CCDC3: variants seen among roughly 807,000 people sequenced by gnomAD.
CCDC3 encodes the protein coiled-coil domain containing 3, also known as coiled-coil domain-containing protein 3.
In CCDC3, 24 loss-of-function variants were observed where a neutral mutation model predicts 21.4. The ratio of observed to expected loss-of-function variants is 1.12; its 90% CI spans 0.81 to 1.58. CCDC3 has a LOEUF of 1.58. CCDC3 is among the 40% of genes most tolerant of loss of function. The pLI is 0.00. For synonymous variants in CCDC3, 186 were observed against 166.0 expected, an observed-to-expected ratio of 1.12 and a Z score of -0.93; for missense variants, 425 against 360.9, an observed-to-expected ratio of 1.18 and a Z score of -1.44.
chr10:12,950,607 C>T (rs1470610234), intron 2 of CCDC3, among the ~76,000 whole-genome samples: 1 of 152,170 alleles, frequency 6.6e-6, no homozygotes, highest in Non-Finnish European at 1.5e-5. Context: ...AAACCTTGCA[C>T]TTGGTTATCA....
chr10:13,004,007 C>A (rs1480564026), upstream of CCDC3, among the ~76,000 whole-genome samples: 6 of 152,186 alleles, frequency 3.9e-5, no homozygotes, highest in Non-Finnish European at 8.8e-5. Context: ...CCGTAGTGAG[C>A]AGTTCCTCTT....
chr10:13,007,675 T>G (rs1835941119), intron 5 of CCDC3, among the ~76,000 whole-genome samples: 1 of 152,180 alleles, frequency 6.6e-6, no homozygotes, highest in Non-Finnish European at 1.5e-5. Context: ...TACCCTCTCT[T>G]AAAGATAGAC....
At chr10:12,905,115 A>G (rs1834150732) in intron 2 of CCDC3, among the ~76,000 whole-genome samples, 1 of 152,196 alleles carries the variant, frequency 6.6e-6, no homozygotes, top group South Asian at 2.1e-4. Flanking sequence ...AACAACACAG[A>G]CAAATAGCTT....
intron 2 of CCDC3, among the ~76,000 whole-genome samples, chr10:12,930,877 C>G (rs1357468032): frequency 6.6e-6 from 1 of 152,092 alleles, no homozygotes; most frequent in African/African-American, 2.4e-5. Flanking sequence ...GATGTCTGTC[C>G]CAGGCTCTGG....
At chr10:13,048,219 G>A (rs1836553735) in intron 5 of CCDC3, among the ~76,000 whole-genome samples, 1 of 151,964 alleles carries the variant, frequency 6.6e-6, no homozygotes, top group South Asian at 2.1e-4. Flanking sequence ...TTTAGACGGA[G>A]TCTCGCTCTG....
chr10:13,059,737 C>A (rs914030066), intron 4 of CCDC3, among the ~76,000 whole-genome samples: 2 of 152,184 alleles, frequency 1.3e-5, no homozygotes, highest in South Asian at 4.1e-4. Context: ...CCGATGGCCT[C>A]ATTTCTCTTG....
At chr10:12,970,632 A>C (rs1835327911) in intron 2 of CCDC3, among the ~76,000 whole-genome samples, 1 of 152,204 alleles carries the variant, frequency 6.6e-6, no homozygotes, top group African/African-American at 2.4e-5. Flanking sequence ...TAATCCCAGC[A>C]CTTTGGGAGG....
rs373663091 is a variant in CCDC3, at chr10:12,960,496, G to A, written c.549+37842C>T. On this transcript the variant is annotated intron_variant, in intron 2 of 2. Coordinates refer to ENST00000378825, the MANE Select transcript of CCDC3 (RefSeq NM_031455.4). ...CCACAGAAAGCAGCTGCCAGGCAGG[G>A]AGATTTATAAGGTGACATTCCAGCC... Among the ~76,000 whole-genome samples the A allele has an allele frequency of 6.6e-4, 100 of 152,298 alleles. 1 individual carries two copies. Among genetic ancestry groups the A allele is most frequent in the African/African-American group, 2.3e-3 (97 of 41,572 alleles).
At chr10:13,087,442 C>T (rs1188808478) in intron 3 of CCDC3, among the ~76,000 whole-genome samples, 2 of 151,200 alleles carry the variant, frequency 1.3e-5, no homozygotes, top group Admixed American at 6.6e-5. Context: ...ACAGTGCTGA[C>T]GATATCTGGC....
At chr10:12,970,205 C>T (rs755632672) in intron 2 of CCDC3, among the ~76,000 whole-genome samples, 9 of 152,026 alleles carry the variant, frequency 5.9e-5, no homozygotes, top group South Asian at 2.1e-4. Flanking sequence ...TGGTCACAGA[C>T]GCAAAATTTC....
intron 5 of CCDC3, among the ~76,000 whole-genome samples, chr10:13,041,786 C>T (rs1163416991): frequency 2.6e-5 from 4 of 151,922 alleles, no homozygotes; most frequent in Non-Finnish European, 5.9e-5. Flanking sequence ...CCATGCCCAG[C>T]CCTGGCAGCG....
chr10:13,093,446 G>A (rs1463280031), intron 3 of CCDC3, among the ~76,000 whole-genome samples: 1 of 152,102 alleles, frequency 6.6e-6, no homozygotes, highest in Non-Finnish European at 1.5e-5. Context: ...ATGAGATTTG[G>A]GTGGGGACAC....
chr10:13,026,338 C>T (rs1836216272), intron 5 of CCDC3, among the ~76,000 whole-genome samples: 1 of 152,258 alleles, frequency 6.6e-6, no homozygotes, highest in African/African-American at 2.4e-5. Context: ...CCTTAATAAC[C>T]TACAGCTTTT....
intron 5 of CCDC3, among the ~76,000 whole-genome samples, chr10:13,014,516 T>G (rs372568531): frequency 6.7e-6 from 1 of 149,324 alleles, no homozygotes; most frequent in Non-Finnish European, 1.5e-5. Context: ...AAAAGACTAA[T>G]GCAACACACA....
At chr10:13,011,812 A>G (rs539323933) in intron 5 of CCDC3, among the ~76,000 whole-genome samples, 1 of 152,378 alleles carries the variant, frequency 6.6e-6, no homozygotes, top group Admixed American at 6.5e-5. Context: ...ATAAGGCTAC[A>G]GTAATCAAAA....
chr10:13,031,159 T>A (rs192876204), intron 5 of CCDC3, among the ~76,000 whole-genome samples: 3,560 of 152,208 alleles, frequency 0.023, 129 homozygotes, highest in African/African-American at 0.08. Context: ...CAGACCACAG[T>A]GCAATCAAAC....
intron 2 of CCDC3, among the ~76,000 whole-genome samples, chr10:12,990,187 G>A (rs182751423): frequency 6.6e-6 from 1 of 151,824 alleles, no homozygotes; most frequent in Non-Finnish European, 1.5e-5. Flanking sequence ...AACCTGGGAG[G>A]CGGAGCTTGC....
intron 5 of CCDC3, among the ~76,000 whole-genome samples, chr10:13,032,296 C>T (rs1294972643): frequency 6.6e-6 from 1 of 152,156 alleles, no homozygotes; most frequent in Non-Finnish European, 1.5e-5. Flanking sequence ...AACAGCCCTT[C>T]ATGCTAAAAA....
chr10:12,951,565 G>A (rs1332708032), intron 2 of CCDC3, among the ~76,000 whole-genome samples: 1 of 152,052 alleles, frequency 6.6e-6, no homozygotes, highest in Non-Finnish European at 1.5e-5. Flanking sequence ...CAGCACTTTG[G>A]GAGGCTGAGA....
Sources: allele counts gnomAD v4.1 joint callset (sites outside exome capture counted in the v4.1 genomes callset), GRCh38; gene constraint gnomAD v4.1.1; transcripts MANE v1.5; gene names NCBI Gene and HGNC (gene_info 2026-07-23, HGNC 2026-07-21).